Variants in RB1 observed in about 807,000 individuals in gnomAD.
The protein encoded by RB1 is RB transcriptional corepressor 1.
A neutral mutation model predicts 135.4 loss-of-function variants in RB1; 18 were observed. That is an observed-to-expected ratio of 0.13 (90% CI 0.09 to 0.20). The LOEUF is 0.20. RB1 is among the 10% of genes least tolerant of loss of function. The pLI, the probability that RB1 is intolerant of heterozygous loss-of-function variation, is 1.00. For missense variants in RB1, 868 were observed against 1,110.0 expected, an observed-to-expected ratio of 0.78 and a Z score of 3.10; for synonymous variants, 365 against 373.2, an observed-to-expected ratio of 0.98 and a Z score of 0.25.
intron 17 of RB1, among the ~76,000 whole-genome samples, chr13:48,397,334 GTCC>G (rs1156475303): frequency 1.3e-5 from 2 of 152,140 alleles, no homozygotes; most frequent in Non-Finnish European, 2.9e-5. Flanking sequence ...ATGAGTTCGT[GTCC>G]TTTGCAGGGA....
chr13:48,462,372 A>G lies in RB1; in HGVS notation c.2107-1359A>G, dbSNP rs201689623. Among the ~76,000 whole-genome samples, 149 of 123,150 alleles carry G rather than the reference A, an allele frequency of 1.2e-3. No homozygotes were observed. In the Middle Eastern group the frequency reaches 0.021, roughly 17 times the overall value. 80.8% of individuals were successfully genotyped at this position (123,150 alleles called of 152,430 possible). A position where few individuals can be genotyped will look rare whatever the true frequency, so the allele number is the denominator to read the frequency against. On this transcript the variant is annotated intron_variant, in intron 20 of 26. Transcript: ENST00000267163. ...ATGGTTGAGCTCAAGTAAGCCACCC[A>G]CCTTGGCCTCCCAAAGTGCTAGGAT...
chr13:48,413,649 T>TC (rs1372919556), intron 17 of RB1, among the ~76,000 whole-genome samples: 1 of 152,178 alleles, frequency 6.6e-6, no homozygotes, highest in African/African-American at 2.4e-5. Context: ...ATCCTGGGTC[T>TC]CATTAGTTTT....
rs1481252593 is a variant in RB1 at position 48,467,281 on chromosome 13, AC to A, written c.2489+1916del. On this transcript the variant is annotated intron_variant, in intron 23 of 26. Coordinates refer to ENST00000267163, the MANE Select transcript of RB1 (RefSeq NM_000321.3). ...ACATTCTTAAAGAAAAGAATTTTCAACCCAGAATTTCATATCCAGCCAAACT... is the reference window on the plus strand; with the variant it reads ...ACATTCTTAAAGAAAAGAATTTTCAACCAGAATTTCATATCCAGCCAAACT... Among the ~76,000 whole-genome samples, 614 of 126,678 alleles carry A rather than the reference AC, an allele frequency of 4.8e-3. 1 individual carries two copies. Among genetic ancestry groups the A allele is most frequent in the Middle Eastern group, 8.5e-3 (2 of 234 alleles). 83.1% of individuals were successfully genotyped at this position (126,678 alleles called of 152,430 possible).
intron 3 of RB1, 45 bp downstream of exon 3, chr13:48,342,759 C>A: frequency 7.5e-7 from 1 of 1,332,856 alleles, no homozygotes; most frequent in Non-Finnish European, 1.1e-6. Context: ...TAAAAGGAAA[C>A]GAATTCTGGA....
intron 17 of RB1, chr13:48,416,165 G>T (rs889207504): frequency 1.3e-5 from 2 of 152,176 alleles, no homozygotes; most frequent in African/African-American, 4.8e-5. Flanking sequence ...GGAACAGCTG[G>T]AGTCTGCAGC....
At chr13:48,458,045 C>T (rs927023425) in intron 19 of RB1, among the ~76,000 whole-genome samples, 5 of 152,192 alleles carry the variant, frequency 3.3e-5, no homozygotes, top group Non-Finnish European at 7.3e-5. Flanking sequence ...GGGTCCGCAG[C>T]GGTGGCTTGG....
At chr13:48,426,621 T>C (rs527924004) in intron 17 of RB1, 1 of 152,386 alleles carries the variant, frequency 6.6e-6, no homozygotes, top group South Asian at 2.1e-4. Context: ...GTATATAGTT[T>C]AGCTCTCCTT....
chr13:48,318,392 C>T, intron 2 of RB1: 2 of 1,500,082 alleles, frequency 1.3e-6, no homozygotes, highest in Non-Finnish European at 1.8e-6. Context: ...ACCTTAAGTC[C>T]TTGATGGCCG....
At chr13:48,309,486 G>A (rs1169464904) in intron 2 of RB1, among the ~76,000 whole-genome samples, 3 of 152,170 alleles carry the variant, frequency 2.0e-5, no homozygotes, top group African/African-American at 7.2e-5. Context: ...GAAGTATCTT[G>A]AATGTATGAC....
At chr13:48,459,914 T>TTTCCTTCTTTCC (rs1215883470) in intron 20 of RB1, 81 bp downstream of exon 20, 20 of 484,416 alleles carry the variant, frequency 4.1e-5, no homozygotes, top group Non-Finnish European at 5.9e-5. Context: ...TCTTTCTTTC[T>TTTCCTTCTTTCC]TTCTTTCTTT....
chr13:48,366,634 GTATC>G (rs1450361226), intron 9 of RB1, among the ~76,000 whole-genome samples: 5 of 152,144 alleles, frequency 3.3e-5, no homozygotes, highest in African/African-American at 1.2e-4. Context: ...AATTGAAAAA[GTATC>G]TAAGATTGGG....
At chr13:48,305,291 T>C (rs1166724013) in intron 1 of RB1, among the ~76,000 whole-genome samples, 1 of 152,232 alleles carries the variant, frequency 6.6e-6, no homozygotes, top group Admixed American at 6.5e-5. Flanking sequence ...CCTGGAAGGC[T>C]ATTAAAAATT....
chr13:48,400,836 A>G (rs960819613), intron 17 of RB1, among the ~76,000 whole-genome samples: 1 of 152,146 alleles, frequency 6.6e-6, no homozygotes, highest in Non-Finnish European at 1.5e-5. Context: ...TTCCTCTGCT[A>G]TACAGTGATT....
chr13:48,457,348 G>A (rs367997419), intron 19 of RB1, among the ~76,000 whole-genome samples: 21 of 152,286 alleles, frequency 1.4e-4, no homozygotes, highest in East Asian at 9.7e-4. Context: ...TATCAGTAGA[G>A]AGGGTAGTTC....
intron 23 of RB1, among the ~76,000 whole-genome samples, chr13:48,466,180 A>G (rs1949442504): frequency 7.7e-6 from 1 of 129,040 alleles, no homozygotes; most frequent in African/African-American, 2.8e-5. Context: ...TGAAGAGAGC[A>G]GTGGTTCTCC....
chr13:48,381,174 A>G, intron 16 of RB1, 73 bp from the exon 17 acceptor site: 1 of 1,507,588 alleles, frequency 6.6e-7, no homozygotes, highest in Non-Finnish European at 8.8e-7. Context: ...TTTGTCTGAT[A>G]ATAACTTCCA....
intron 9 of RB1, among the ~76,000 whole-genome samples, chr13:48,366,007 C>T (rs1411983921): frequency 2.0e-5 from 3 of 152,152 alleles, no homozygotes; most frequent in Non-Finnish European, 4.4e-5. Context: ...ACAGATATAG[C>T]ATTTCCAAGG....
chr13:48,358,422 C>T (rs1952611178), intron 6 of RB1, among the ~76,000 whole-genome samples: 1 of 152,014 alleles, frequency 6.6e-6, no homozygotes, highest in Non-Finnish European at 1.5e-5. Flanking sequence ...TTATGTTCCC[C>T]AAAGAGCTAT....
intron 19 of RB1, among the ~76,000 whole-genome samples, chr13:48,458,184 A>G (rs926957060): frequency 3.9e-5 from 6 of 152,214 alleles, no homozygotes; most frequent in African/African-American, 1.4e-4. Flanking sequence ...AGCAGGTGTG[A>G]TGTACATACA....
Sources: allele counts gnomAD v4.1 joint callset (sites outside exome capture counted in the v4.1 genomes callset), GRCh38; gene constraint gnomAD v4.1.1; transcripts MANE v1.5; gene names NCBI Gene and HGNC (gene_info 2026-07-23, HGNC 2026-07-21).